Variants in SGMS1 observed in about 807,000 individuals in gnomAD.
SGMS1 encodes the protein phosphatidylcholine:ceramide cholinephosphotransferase 1.
Under a neutral mutation model 46.2 loss-of-function variants are expected in SGMS1, and 13 were observed. The ratio of observed to expected loss-of-function variants is 0.28; its 90% CI spans 0.18 to 0.45. SGMS1 has a LOEUF of 0.45. SGMS1 is among the 20% of genes least tolerant of loss of function. SGMS1 has a pLI of 1.00. For synonymous variants in SGMS1, 203 were observed against 187.8 expected, an observed-to-expected ratio of 1.08 and a Z score of -0.66; for missense variants, 324 against 519.9, an observed-to-expected ratio of 0.62 and a Z score of 3.66.
intron 3 of SGMS1, among the ~76,000 whole-genome samples, chr10:50,513,144 G>A (rs1229860996): frequency 2.0e-5 from 3 of 152,172 alleles, no homozygotes; most frequent in Non-Finnish European, 4.4e-5. Flanking sequence ...AGTCACTCAA[G>A]TTTCAGTTAC....
intron 7 of SGMS1, among the ~76,000 whole-genome samples, chr10:50,336,534 T>C (rs1847720016): frequency 1.3e-5 from 2 of 152,098 alleles, no homozygotes; most frequent in Non-Finnish European, 2.9e-5. Flanking sequence ...GGCAGATCCA[T>C]CCTGAAACAC....
chr10:50,542,914 A>G (rs1838068472), intron 2 of SGMS1, among the ~76,000 whole-genome samples: 1 of 151,564 alleles, frequency 6.6e-6, no homozygotes, highest in South Asian at 2.1e-4. Context: ...TTGTTTTTAA[A>G]ACACAAGTTA....
intron 6 of SGMS1, among the ~76,000 whole-genome samples, chr10:50,353,288 G>A (rs796329076): frequency 4.6e-5 from 7 of 152,384 alleles, no homozygotes; most frequent in South Asian, 4.1e-4. Context: ...TTCAACATAC[G>A]CAAATCAATA....
intron 3 of SGMS1, among the ~76,000 whole-genome samples, chr10:50,485,496 T>C (rs912795359): frequency 1.3e-5 from 2 of 152,220 alleles, no homozygotes; most frequent in East Asian, 3.8e-4. Context: ...GATTCGATGC[T>C]ATTCCTATTA....
chr10:50,524,616 C>T (rs183055922), intron 2 of SGMS1, among the ~76,000 whole-genome samples: 62 of 152,188 alleles, frequency 4.1e-4, no homozygotes, highest in African/African-American at 1.5e-3. Flanking sequence ...TTATTTAGTG[C>T]TACTACTAAG....
intron 3 of SGMS1, among the ~76,000 whole-genome samples, chr10:50,479,001 C>A (rs916377836): frequency 2.2e-5 from 3 of 135,382 alleles, no homozygotes; most frequent in Non-Finnish European, 3.4e-5. Context: ...ATCCACCCCC[C>A]AACCAGTTCC....
chr10:50,580,184 G>T (rs1185261845), intron 2 of SGMS1, among the ~76,000 whole-genome samples: 2 of 151,944 alleles, frequency 1.3e-5, no homozygotes, highest in Non-Finnish European at 2.9e-5. Flanking sequence ...AAGAAATGGG[G>T]GAGGAGGAAG....
rs373031734 is a variant in SGMS1, at chr10:50,434,808, C to T, written c.-312-1252G>A. On this transcript the variant is annotated intron_variant, in intron 5 of 10. Coordinates refer to ENST00000361781, the MANE Select transcript of SGMS1 (RefSeq NM_147156.4). ...GCTGAGGCAGAGAATGACGTGAACC[C>T]GGGAGGCGGAGTTTGCAGTGAGCCG... Among the ~76,000 whole-genome samples the T allele has an allele frequency of 2.5e-4, 37 of 146,204 alleles. 1 individual carries two copies. The highest frequency in any genetic ancestry group is 5.0e-4 in the African/African-American group (20 of 39,746).
chr10:50,494,867 T>C (rs1386117844), intron 3 of SGMS1, among the ~76,000 whole-genome samples: 1 of 151,444 alleles, frequency 6.6e-6, no homozygotes, highest in African/African-American at 2.4e-5. Context: ...AAACCCTGTC[T>C]CTACTAAAAA....
chr10:50,607,410 T>C (rs1838707925), intron 1 of SGMS1, among the ~76,000 whole-genome samples: 1 of 152,174 alleles, frequency 6.6e-6, no homozygotes, highest in African/African-American at 2.4e-5. Context: ...TGAGGGTACC[T>C]TGAGAGGGCA....
rs1837200534 is a variant in SGMS1, at chr10:50,457,052, TAG to T, written c.-313+3619_-313+3620del. 2.6e-5 allele frequency among the ~76,000 whole-genome samples: 4 copies of T among 152,336 alleles called. No homozygotes were observed. The South Asian group carries it at 8.3e-4, about 32-fold the overall frequency. On this transcript the variant is annotated intron_variant, in intron 5 of 10. Coordinates refer to ENST00000361781, the MANE Select transcript of SGMS1 (RefSeq NM_147156.4). Reference sequence around the variant, plus strand: ...TAGTGGCAATTATGTTCTTGTTTTTTAGAGAGGTTTTAACTAAATTGAATGAG... The same window carrying T: ...TAGTGGCAATTATGTTCTTGTTTTTTAGAGGTTTTAACTAAATTGAATGAG...
intron 2 of SGMS1, among the ~76,000 whole-genome samples, chr10:50,543,404 TTAACATTAC>T (rs1240051646): frequency 6.6e-6 from 1 of 152,248 alleles, no homozygotes; most frequent in Non-Finnish European, 1.5e-5. Context: ...CATTACATAG[TTAACATTAC>T]ATATATCAAG....
intron 6 of SGMS1, among the ~76,000 whole-genome samples, chr10:50,397,481 C>A (rs1341220231): frequency 6.6e-6 from 1 of 152,176 alleles, no homozygotes; most frequent in Non-Finnish European, 1.5e-5. Context: ...TTTGCTTTAG[C>A]AACATCCTGG....
rs2117960 is a variant in SGMS1 at position 50,370,436 on chromosome 10, T to C, written c.-231-26091A>G. Among the ~76,000 whole-genome samples the C allele has an allele frequency of 9.4e-3, 1,402 of 149,118 alleles. 26 individuals carry two copies. The highest frequency in any genetic ancestry group is 0.031 in the African/African-American group (1,281 of 40,900). ...TTTAATTTTTTTTTTACTTAAAAAA[T>C]TTTTTTTTTTTAAACAAAGACACAA... On this transcript the variant is annotated intron_variant, in intron 6 of 10. Transcript: ENST00000361781.
intron 3 of SGMS1, among the ~76,000 whole-genome samples, chr10:50,493,380 G>C (rs1030492710): frequency 6.6e-6 from 1 of 152,098 alleles, no homozygotes; most frequent in African/African-American, 2.4e-5. Flanking sequence ...GACAACCTAG[G>C]CAATACCATT....
intron 2 of SGMS1, among the ~76,000 whole-genome samples, chr10:50,575,825 C>T (rs139143336): frequency 1.3e-5 from 2 of 152,258 alleles, no homozygotes; most frequent in African/African-American, 4.8e-5. Context: ...AGCATAAATA[C>T]ATTTCCAATA....
intron 6 of SGMS1, among the ~76,000 whole-genome samples, chr10:50,410,313 G>A (rs1231581406): frequency 6.6e-6 from 1 of 152,152 alleles, no homozygotes; most frequent in Non-Finnish European, 1.5e-5. Flanking sequence ...ACCTGGGGAA[G>A]CCAGCTGGTC....
chr10:50,502,317 A>C (rs1458953880), intron 3 of SGMS1, among the ~76,000 whole-genome samples: 1 of 151,250 alleles, frequency 6.6e-6, no homozygotes, highest in Non-Finnish European at 1.5e-5. Context: ...AAAAAAAAAA[A>C]AAAAAACCAG....
At chr10:50,547,551 A>G (rs977526379) in intron 2 of SGMS1, among the ~76,000 whole-genome samples, 1 of 152,220 alleles carries the variant, frequency 6.6e-6, no homozygotes, top group Non-Finnish European at 1.5e-5. Flanking sequence ...GCAGTAATAA[A>G]TAGCCTAGCA....
Sources: gnomAD v4.1 joint callset for allele counts (sites outside exome capture counted in the v4.1 genomes callset) on GRCh38, gnomAD v4.1.1 for gene constraint, MANE v1.5 for transcripts, NCBI Gene and HGNC (gene_info 2026-07-23, HGNC 2026-07-21) for gene names.